ASTN1: variants seen among roughly 807,000 people sequenced by gnomAD.
ASTN1 encodes astrotactin-1.
A neutral mutation model predicts 140.7 loss-of-function variants in ASTN1; 41 were observed. That is an observed-to-expected ratio of 0.29 (90% CI 0.23 to 0.38). ASTN1 has a LOEUF of 0.38. Among genes scored for constraint, ASTN1 ranks in the 10% least tolerant of loss-of-function variants. The pLI, the probability that ASTN1 is intolerant of heterozygous loss-of-function variation, is 1.00. For synonymous variants in ASTN1, 640 were observed against 652.2 expected, an observed-to-expected ratio of 0.98 and a Z score of 0.29; for missense variants, 1,479 against 1,678.8, an observed-to-expected ratio of 0.88 and a Z score of 2.08.
intron 16 of ASTN1, among the ~76,000 whole-genome samples, chr1:176,913,493 T>C (rs1476916462): frequency 6.6e-6 from 1 of 152,042 alleles, no homozygotes; most frequent in Non-Finnish European, 1.5e-5. Flanking sequence ...AACAAACATG[T>C]GATAATAGTA....
At chr1:177,159,898 AAGTG>A (rs1415339178) in intron 1 of ASTN1, among the ~76,000 whole-genome samples, 1 of 152,240 alleles carries the variant, frequency 6.6e-6, no homozygotes, top group African/African-American at 2.4e-5. Flanking sequence ...AACTATAAAT[AAGTG>A]AGAATTCCCA....
intron 1 of ASTN1, among the ~76,000 whole-genome samples, chr1:177,074,669 T>A (rs1172119741): frequency 6.6e-6 from 1 of 152,228 alleles, no homozygotes; most frequent in African/African-American, 2.4e-5. Flanking sequence ...TAAGGTTGAA[T>A]TAGATACTTT....
chr1:176,936,651 G>A (rs1040897469), intron 14 of ASTN1, among the ~76,000 whole-genome samples: 2 of 152,242 alleles, frequency 1.3e-5, no homozygotes, highest in East Asian at 1.9e-4. Context: ...TGAGAAAATC[G>A]AGGCTCTAAG....
chr1:176,868,747 C>T, intron 22 of ASTN1, 97 bp downstream of exon 22: 1 of 1,328,948 alleles, frequency 7.5e-7, no homozygotes, highest in Non-Finnish European at 1.0e-6. Context: ...TAAGCTCATC[C>T]AGGAAATCTC....
In ASTN1 at chr1:176,884,473, A is replaced by C. The variant is rs545428774; in HGVS notation, c.3092T>G (p.Val1031Gly). 16 of 1,613,200 alleles carry C rather than the reference A, an allele frequency of 9.9e-6. No individual in the cohort carries two copies. In the African/African-American group the frequency reaches 1.1e-4, roughly 11 times the overall value. ...LPQPVLRLST[V>G]HEPSSTLVVL... ...CACAAGAGTGCTGCTGGGCTCGTGA[A>C]CCGTGGAGAGTCTCAGCCTGTGTGC... is the stretch of plus-strand genomic sequence containing the variant. Residue 1031 changes from valine (V) to glycine (G), a missense_variant, in exon 19 of 23, where the codon GTT (valine) becomes GGT (glycine). By Grantham distance (109) the Val-to-Gly change is moderately radical. This residue lies in a region of ASTN1 where 746 missense variants were observed against 800.9 expected (regional missense o/e 0.93). Transcript: ENST00000361833.
At chr1:176,882,755 T>A (rs760272030) in intron 20 of ASTN1, 104 bp downstream of exon 20, 67 of 1,459,168 alleles carry the variant, frequency 4.6e-5, no homozygotes, top group Non-Finnish European at 7.6e-6. Flanking sequence ...AGACTCAACA[T>A]GTTTTGCTGA....
Position 177,023,590 on chromosome 1 carries a change from G to T in ASTN1, c.1271-19C>A. On this transcript the variant is annotated intron_variant, in intron 6 of 22. Coordinates refer to ENST00000361833, the MANE Select transcript of ASTN1 (RefSeq NM_004319.3). ...CGGCTCCCTGCAGGGTGAGAGAAAG[G>T]AAGCATGCCTATATGTGCAACACAG... The T allele has an allele frequency of 6.4e-7, 1 of 1,559,032 alleles. No homozygotes were observed. The highest frequency in any genetic ancestry group is 8.6e-7 in the Non-Finnish European group (1 of 1,158,326).
At chr1:176,878,219 C>T (rs562033102) in intron 20 of ASTN1, among the ~76,000 whole-genome samples, 1 of 152,342 alleles carries the variant, frequency 6.6e-6, no homozygotes, top group East Asian at 1.9e-4. Context: ...TCCTGCAGGA[C>T]TCCTGCCCCT....
At position 176,876,466 on chromosome 1, in the gene ASTN1, C is replaced by T; in HGVS notation, c.3463+71G>A. The T allele has an allele frequency of 6.6e-6, 10 of 1,512,318 alleles. No homozygotes were observed. In the South Asian group the frequency reaches 1.1e-4, roughly 17 times the overall value. The allele number at this position is 1,512,318 out of a possible 1,614,324, so 93.7% of individuals were successfully genotyped here. ...GTTCTATTCAACTCTCTTGGTCCTTCTGTCCTCATAGCAAGTGGTGGGTAC... is the reference window on the plus strand; with the variant it reads ...GTTCTATTCAACTCTCTTGGTCCTTTTGTCCTCATAGCAAGTGGTGGGTAC... On this transcript the variant is annotated intron_variant, in intron 21 of 22. Coordinates refer to ENST00000361833, the MANE Select transcript of ASTN1 (RefSeq NM_004319.3).
intron 14 of ASTN1, among the ~76,000 whole-genome samples, chr1:176,940,471 T>G (rs1016921828): frequency 2.6e-5 from 4 of 152,198 alleles, no homozygotes; most frequent in African/African-American, 9.7e-5. Flanking sequence ...CCCTAACTAA[T>G]CACATAGGAT....
chr1:176,877,081 G>C (rs2072936), intron 20 of ASTN1, among the ~76,000 whole-genome samples: 127,206 of 152,112 alleles, frequency 0.84, 53,346 homozygotes, highest in Middle Eastern at 0.95. Flanking sequence ...CTCAGGGGAA[G>C]AGTTTATATC....
intron 1 of ASTN1, among the ~76,000 whole-genome samples, chr1:177,154,600 T>C (rs1418023408): frequency 6.6e-6 from 1 of 152,062 alleles, no homozygotes; most frequent in African/African-American, 2.4e-5. Context: ...AATAACAATA[T>C]GACACCACCA....
chr1:177,089,056 A>G (rs1326952009), intron 1 of ASTN1, among the ~76,000 whole-genome samples: 1 of 152,176 alleles, frequency 6.6e-6, no homozygotes, highest in African/African-American at 2.4e-5. Context: ...GGACAATGGC[A>G]GACAAAGGTG....
At chr1:176,879,692 C>T (rs1339852068) in intron 20 of ASTN1, among the ~76,000 whole-genome samples, 1 of 152,236 alleles carries the variant, frequency 6.6e-6, no homozygotes, top group African/African-American at 2.4e-5. Context: ...TCTCACATTA[C>T]CCCAATGGGG....
At chr1:177,042,306 A>G (rs1298999098) in intron 2 of ASTN1, among the ~76,000 whole-genome samples, 1 of 152,210 alleles carries the variant, frequency 6.6e-6, no homozygotes, top group East Asian at 1.9e-4. Flanking sequence ...CAAGTATTCA[A>G]GGATCCTGCC....
intron 1 of ASTN1, among the ~76,000 whole-genome samples, chr1:177,078,235 C>T (rs145007999): frequency 6.6e-6 from 1 of 152,302 alleles, no homozygotes; most frequent in East Asian, 1.9e-4. Context: ...CCCAGCTGTC[C>T]TGGATCCAGG....
At chr1:176,996,736 T>C (rs1345186971) in intron 8 of ASTN1, among the ~76,000 whole-genome samples, 1 of 152,108 alleles carries the variant, frequency 6.6e-6, no homozygotes, top group Non-Finnish European at 1.5e-5. Context: ...GATGATGTGC[T>C]CTCCCTGCTG....
chr1:177,067,259 G>A (rs529671153), intron 1 of ASTN1, among the ~76,000 whole-genome samples: 1 of 152,170 alleles, frequency 6.6e-6, no homozygotes, highest in South Asian at 2.1e-4. Flanking sequence ...CAATGGAAAG[G>A]AAAAGAGGCA....
chr1:177,105,991 A>G (rs1680528893), intron 1 of ASTN1, among the ~76,000 whole-genome samples: 1 of 152,146 alleles, frequency 6.6e-6, no homozygotes, highest in South Asian at 2.1e-4. Context: ...GCGAGACCCC[A>G]TCTCTTAAAA....
Sources: allele counts gnomAD v4.1 joint callset (sites outside exome capture counted in the v4.1 genomes callset), GRCh38; gene constraint gnomAD v4.1.1; regional missense constraint gnomAD v4.1.1; transcripts MANE v1.5; gene names NCBI Gene and HGNC (gene_info 2026-07-23, HGNC 2026-07-21).